Variants in CAMK1D observed in about 807,000 individuals in gnomAD.
CAMK1D encodes calcium/calmodulin dependent protein kinase ID.
In CAMK1D, 9 loss-of-function variants were observed where a neutral mutation model predicts 47.7. The observed-to-expected ratio is 0.19, with a 90% confidence interval of 0.11 to 0.33. The LOEUF is 0.33. Among genes scored for constraint, CAMK1D ranks in the 10% least tolerant of loss-of-function variants. The pLI, the probability that CAMK1D is intolerant of heterozygous loss-of-function variation, is 1.00. For missense variants in CAMK1D, 291 were observed against 488.7 expected (o/e 0.60, Z 3.81); for synonymous variants, 184 against 184.9 (o/e 0.99, Z 0.04).
chr10:12,417,027 C>A (rs1468504055), intron 1 of CAMK1D, among the ~76,000 whole-genome samples: 2 of 152,128 alleles, frequency 1.3e-5, no homozygotes, highest in Non-Finnish European at 2.9e-5. Flanking sequence ...AATGGTGGGA[C>A]TTTGGACAAG....
At chr10:12,491,149 ATG>A (rs3062692) in intron 1 of CAMK1D, among the ~76,000 whole-genome samples, 72 of 150,500 alleles carry the variant, frequency 4.8e-4, no homozygotes, top group African/African-American at 1.2e-3. Context: ...GTATGAGAGT[ATG>A]TGTGTGTGTG....
intron 1 of CAMK1D, among the ~76,000 whole-genome samples, chr10:12,387,356 A>G (rs1405252563): frequency 1.1e-5 from 1 of 87,780 alleles, no homozygotes; most frequent in East Asian, 2.9e-4. Context: ...ATTATATTTT[A>G]TATATATAAT....
At chr10:12,390,908 A>G (rs1161389398) in intron 1 of CAMK1D, among the ~76,000 whole-genome samples, 1 of 151,634 alleles carries the variant, frequency 6.6e-6, no homozygotes, top group African/African-American at 2.4e-5. Flanking sequence ...GAATAAGAGG[A>G]TGCTGTGCAT....
chr10:12,392,860 A>G (rs1838788242), intron 1 of CAMK1D, among the ~76,000 whole-genome samples: 1 of 152,184 alleles, frequency 6.6e-6, no homozygotes, highest in East Asian at 1.9e-4. Context: ...CAACTTCATT[A>G]GAAATTTTGA....
intron 2 of CAMK1D, among the ~76,000 whole-genome samples, chr10:12,564,119 GTCTCTCTCTC>G (rs765364710): frequency 1.0e-4 from 13 of 127,322 alleles, no homozygotes; most frequent in East Asian, 2.6e-4. Flanking sequence ...CTGTCTAGAT[GTCTCTCTCTC>G]TCTCTCTCTC....
intron 2 of CAMK1D, among the ~76,000 whole-genome samples, chr10:12,616,606 C>T (rs965158125): frequency 7.9e-5 from 12 of 151,752 alleles, no homozygotes; most frequent in African/African-American, 2.9e-4. Flanking sequence ...CAAGCTCCGC[C>T]TCCCGGGTTC....
intron 2 of CAMK1D, among the ~76,000 whole-genome samples, chr10:12,620,457 T>C (rs2132437620): frequency 6.6e-6 from 1 of 152,376 alleles, no homozygotes; most frequent in East Asian, 1.9e-4. Context: ...TGATTTTAGC[T>C]ATTCTCATAG....
chr10:12,764,517 A>G (rs2482056), intron 4 of CAMK1D, among the ~76,000 whole-genome samples: 151,165 of 152,260 alleles, frequency 0.99, 75,050 homozygotes, highest in Middle Eastern at 1. Context: ...CGATGCTCTG[A>G]GCCCTTTGGC....
rs1434619110 is a variant in CAMK1D at position 12,829,358 on chromosome 10, C to T, written c.*471C>T. ...TAAGTTACATGACCTATATCTTTTC[C>T]TCTTTAATAGTAGTTTTATGTTAAC... is the stretch of plus-strand genomic sequence containing the variant. On this transcript the variant is annotated 3_prime_UTR_variant, in exon 11 of 11. Coordinates refer to ENST00000619168, the MANE Select transcript of CAMK1D (RefSeq NM_153498.4). 1 of 152,720 alleles carries T rather than the reference C, an allele frequency of 6.5e-6. No homozygotes were observed. The highest frequency in any genetic ancestry group is 1.5e-5 in the Non-Finnish European group (1 of 68,206). The allele number at this position is 152,720 out of a possible 1,614,324, so 9.5% of individuals were successfully genotyped here.
chr10:12,605,593 T>G (rs1470055451), intron 2 of CAMK1D, among the ~76,000 whole-genome samples: 3 of 152,130 alleles, frequency 2.0e-5, no homozygotes, highest in African/African-American at 7.2e-5. Context: ...ACTTCTGCAG[T>G]ACAGTTTGTG....
intron 2 of CAMK1D, among the ~76,000 whole-genome samples, chr10:12,652,240 GT>G (rs1369699547): frequency 1.3e-5 from 2 of 151,926 alleles, no homozygotes; most frequent in Non-Finnish European, 1.5e-5. Flanking sequence ...TCTGTTTTTT[GT>G]TTGTTTATTT....
At chr10:12,471,786 C>T (rs1413710389) in intron 1 of CAMK1D, among the ~76,000 whole-genome samples, 1 of 152,118 alleles carries the variant, frequency 6.6e-6, no homozygotes, top group African/African-American at 2.4e-5. Context: ...AATCCCAGCA[C>T]TTTGGGAAGC....
At chr10:12,727,055 A>G (rs1413982816) in intron 3 of CAMK1D, among the ~76,000 whole-genome samples, 2 of 152,198 alleles carry the variant, frequency 1.3e-5, no homozygotes, top group Middle Eastern at 3.2e-3. Context: ...TGCGCAGCCC[A>G]GGGCCTGTGT....
At chr10:12,593,446 CA>C (rs1163918193) in intron 2 of CAMK1D, among the ~76,000 whole-genome samples, 2 of 152,034 alleles carry the variant, frequency 1.3e-5, no homozygotes, top group African/African-American at 2.4e-5. Flanking sequence ...AAAAATTAGC[CA>C]GGCATGGTGG....
rs1279420623 is a variant in CAMK1D at position 12,760,947 on chromosome 10, G to A, written c.300-1G>A. 1 of 1,610,754 alleles carries A rather than the reference G, an allele frequency of 6.2e-7. No individual in the cohort carries two copies. Among genetic ancestry groups the A allele is most frequent in the African/African-American group, 1.3e-5 (1 of 74,744 alleles). ...ACTTCTAATATGTTCTTTTTTGCCA[G>A]GGTGTCCGGTGGAGAGCTGTTTGAC... On this transcript the variant is annotated splice_acceptor_variant, in intron 3 of 10. Coordinates refer to ENST00000619168, the MANE Select transcript of CAMK1D (RefSeq NM_153498.4). LOFTEE classifies it high-confidence loss of function.
intron 7 of CAMK1D, among the ~76,000 whole-genome samples, chr10:12,816,023 G>A (rs1832779449): frequency 6.6e-6 from 1 of 152,210 alleles, no homozygotes. Context: ...CTGGAAGTCA[G>A]GGTCCCAGGC....
rs535184247 is a variant in CAMK1D, at chr10:12,418,944, C to T, written c.92+69034C>T. On this transcript the variant is annotated intron_variant, in intron 1 of 10. Transcript: ENST00000619168. Reference sequence around the variant, plus strand: ...GTGGCCATAGGTGGAAGGCCTCAGTCGCGGGCGTGGTGTGTCCGAAGCCGT... The same window carrying T: ...GTGGCCATAGGTGGAAGGCCTCAGTTGCGGGCGTGGTGTGTCCGAAGCCGT... Among the ~76,000 whole-genome samples, 75 of 152,230 alleles carry T rather than the reference C, an allele frequency of 4.9e-4. No homozygotes were observed. The East Asian group carries it at 9.3e-3, about 19-fold the overall frequency.
intron 1 of CAMK1D, among the ~76,000 whole-genome samples, chr10:12,507,408 A>G (rs1167023122): frequency 6.6e-6 from 1 of 152,032 alleles, no homozygotes; most frequent in Non-Finnish European, 1.5e-5. Flanking sequence ...TTTTGTTTTT[A>G]ATTTCTGTTA....
At chr10:12,692,481 T>A (rs1832966303) in intron 3 of CAMK1D, among the ~76,000 whole-genome samples, 1 of 152,214 alleles carries the variant, frequency 6.6e-6, no homozygotes, top group South Asian at 2.1e-4. Flanking sequence ...GATTTAACTA[T>A]AAAATAATAA....
Sources: gnomAD v4.1 joint callset for allele counts (sites outside exome capture counted in the v4.1 genomes callset) on GRCh38, gnomAD v4.1.1 for gene constraint, MANE v1.5 for transcripts, NCBI Gene and HGNC (gene_info 2026-07-23, HGNC 2026-07-21) for gene names.